Variants in CDH12 observed in about 807,000 individuals in gnomAD.
The protein encoded by CDH12 is cadherin 12, also known as cadherin-12.
CDH12 carries 41 observed loss-of-function variants against 74.1 expected under a neutral mutation model. The ratio of observed to expected loss-of-function variants is 0.55; its 90% confidence interval spans 0.43 to 0.72. The LOEUF (loss-of-function observed/expected upper bound fraction) is 0.72. Among genes scored for constraint, CDH12 ranks in the 30% least tolerant of loss-of-function variants. The pLI is 0.00. For synonymous variants in CDH12, 399 were observed against 355.0 expected (o/e 1.12, Z -1.39); for missense variants, 945 against 977.2 (o/e 0.97, Z 0.44).
intron 1 of CDH12, among the ~76,000 whole-genome samples, chr5:22,714,803 T>C (rs1461297128): frequency 1.3e-5 from 2 of 152,202 alleles, no homozygotes; most frequent in Non-Finnish European, 2.9e-5. Flanking sequence ...CAAAGCAGAA[T>C]GATCTTTTCC....
At chr5:22,154,134 T>C (rs1747839066) in intron 4 of CDH12, among the ~76,000 whole-genome samples, 1 of 150,318 alleles carries the variant, frequency 6.7e-6, no homozygotes, top group South Asian at 2.1e-4. Context: ...TATTTATGTA[T>C]GCTGTACACT....
intron 6 of CDH12, among the ~76,000 whole-genome samples, chr5:21,917,949 T>C (rs9968690): frequency 0.04 from 6,140 of 152,304 alleles, 132 homozygotes; most frequent in South Asian, 0.051. Flanking sequence ...TTGTAACATC[T>C]TACTGGTTCC....
chr5:22,625,156 G>T (rs916604405), intron 1 of CDH12, among the ~76,000 whole-genome samples: 3 of 152,102 alleles, frequency 2.0e-5, no homozygotes, highest in Non-Finnish European at 2.9e-5. Flanking sequence ...ACCGGGGCCT[G>T]TCTTGGGTTG....
At chr5:22,678,044 T>TGGGC (rs1741295786) in intron 1 of CDH12, among the ~76,000 whole-genome samples, 1 of 135,132 alleles carries the variant, frequency 7.4e-6, no homozygotes, top group South Asian at 2.6e-4. Flanking sequence ...ACCATCCTCA[T>TGGGC]GGGGGGGGGG....
intron 3 of CDH12, among the ~76,000 whole-genome samples, chr5:22,399,294 A>G (rs1000651217): frequency 3.3e-5 from 5 of 152,114 alleles, no homozygotes; most frequent in Admixed American, 2.6e-4. Context: ...TAAGAGATGT[A>G]TATGTGGCAG....
chr5:21,796,318 C>T (rs1164050396), intron 10 of CDH12, among the ~76,000 whole-genome samples: 1 of 151,958 alleles, frequency 6.6e-6, no homozygotes, highest in Non-Finnish European at 1.5e-5. Context: ...AATCATCTAG[C>T]GCAAAGCCTG....
intron 12 of CDH12, among the ~76,000 whole-genome samples, chr5:21,761,956 CA>C (rs1744750086): frequency 6.6e-6 from 1 of 152,068 alleles, no homozygotes; most frequent in Non-Finnish European, 1.5e-5. Context: ...TATTCAGCAC[CA>C]AAGCCTAAAT....
intron 1 of CDH12, among the ~76,000 whole-genome samples, chr5:22,627,634 A>C (rs1288905185): frequency 3.3e-5 from 5 of 152,144 alleles, no homozygotes; most frequent in Non-Finnish European, 4.4e-5. Context: ...ACAAAAACAC[A>C]CTTAAGTACG....
chr5:22,376,810 G>A lies in CDH12; in HGVS notation c.-333+28447C>T, dbSNP rs144769439. 9.5e-3 allele frequency among the ~76,000 whole-genome samples: 1,437 copies of A among 150,954 alleles called. 23 individuals carry two copies. Among genetic ancestry groups the A allele is most frequent in the African/African-American group, 0.033 (1,349 of 41,170 alleles). ...AGTTCTGGGATTACAGACGTGAGCC[G>A]CTGTACCTAGTCACATTCTATTATT... On this transcript the variant is annotated intron_variant, in intron 3 of 14. Coordinates refer to ENST00000382254, the MANE Select transcript of CDH12 (RefSeq NM_004061.5).
chr5:22,342,564 C>A, intron 3 of CDH12, among the ~76,000 whole-genome samples: 1 of 108,148 alleles, frequency 9.2e-6, no homozygotes, highest in East Asian at 3.4e-4. Context: ...CCCTTCCTTC[C>A]TCCCTCCCTC....
intron 1 of CDH12, among the ~76,000 whole-genome samples, chr5:22,568,969 G>A (rs550277246): frequency 2.6e-5 from 4 of 152,290 alleles, no homozygotes; most frequent in South Asian, 4.1e-4. Context: ...GCTGACAAGC[G>A]ATGTGGTTGC....
At chr5:22,540,812 T>G (rs1738067811) in intron 1 of CDH12, among the ~76,000 whole-genome samples, 1 of 152,228 alleles carries the variant, frequency 6.6e-6, no homozygotes, top group Non-Finnish European at 1.5e-5. Flanking sequence ...GTGTCAATTC[T>G]GTAAAGCAAA....
intron 4 of CDH12, among the ~76,000 whole-genome samples, chr5:22,093,766 G>A (rs947808720): frequency 2.6e-5 from 4 of 152,126 alleles, no homozygotes; most frequent in African/African-American, 9.7e-5. Flanking sequence ...TGGATTGTGT[G>A]ATATGGAAGT....
At chr5:22,588,098 A>G (rs558200548) in intron 1 of CDH12, among the ~76,000 whole-genome samples, 91 of 150,752 alleles carry the variant, frequency 6.0e-4, no homozygotes, top group African/African-American at 2.1e-3. Flanking sequence ...GTATATGTAT[A>G]TATGTGTGTA....
chr5:22,514,423 T>C (rs1444714545), intron 1 of CDH12, among the ~76,000 whole-genome samples: 3 of 151,960 alleles, frequency 2.0e-5, no homozygotes, highest in African/African-American at 4.8e-5. Context: ...ATAGATCAAG[T>C]GACTCATTTA....
At chr5:22,315,434 G>A (rs911407476) in intron 3 of CDH12, among the ~76,000 whole-genome samples, 14 of 152,024 alleles carry the variant, frequency 9.2e-5, no homozygotes, top group African/African-American at 2.9e-4. Flanking sequence ...GAAACGAGAG[G>A]AAGAAGGTTG....
intron 4 of CDH12, among the ~76,000 whole-genome samples, chr5:22,118,798 C>T (rs980734455): frequency 3.3e-5 from 5 of 151,994 alleles, no homozygotes; most frequent in Admixed American, 2.0e-4. Context: ...TACATCTGAA[C>T]GTGTCATAGG....
intron 1 of CDH12, among the ~76,000 whole-genome samples, chr5:22,731,513 C>T (rs1197369447): frequency 6.6e-6 from 1 of 151,820 alleles, no homozygotes; most frequent in East Asian, 1.9e-4. Flanking sequence ...ACACATCTTT[C>T]ATTTACTATA....
At chr5:22,725,639 C>G (rs896592836) in intron 1 of CDH12, among the ~76,000 whole-genome samples, 1 of 151,428 alleles carries the variant, frequency 6.6e-6, no homozygotes, top group African/African-American at 2.4e-5. Flanking sequence ...TTTGAGGGCC[C>G]CATCCTCATG....
Sources: allele counts gnomAD v4.1 joint callset (sites outside exome capture counted in the v4.1 genomes callset), GRCh38; gene constraint gnomAD v4.1.1; transcripts MANE v1.5; gene names NCBI Gene and HGNC (gene_info 2026-07-23, HGNC 2026-07-21).